NLGN1: variants seen among roughly 807,000 people sequenced by gnomAD.
NLGN1 encodes neuroligin 1, also known as neuroligin-1.
Under a neutral mutation model 65.5 loss-of-function variants are expected in NLGN1, and 12 were observed. The observed-to-expected ratio is 0.18, with a 90% CI of 0.12 to 0.30. The LOEUF (loss-of-function observed/expected upper bound fraction) is 0.30. Among genes scored for constraint, NLGN1 ranks in the 10% least tolerant of loss-of-function variants. The pLI is 1.00. For missense variants in NLGN1, 750 were observed against 1,007.1 expected, an observed-to-expected ratio of 0.74 and a Z score of 3.46; for synonymous variants, 350 against 359.5, an observed-to-expected ratio of 0.97 and a Z score of 0.30.
chr3:174,064,352 A>G (rs1738044050), intron 4 of NLGN1, among the ~76,000 whole-genome samples: 1 of 152,048 alleles, frequency 6.6e-6, no homozygotes, highest in Non-Finnish European at 1.5e-5. Flanking sequence ...TAGAAAAAGG[A>G]AAAGGAAAAT....
chr3:174,203,761 A>T (rs1734929228), intron 4 of NLGN1, among the ~76,000 whole-genome samples: 1 of 152,186 alleles, frequency 6.6e-6, no homozygotes, highest in Non-Finnish European at 1.5e-5. Context: ...ATTTTTCATA[A>T]GGTATATTTC....
At chr3:173,940,915 T>C (rs1235461303) in intron 4 of NLGN1, among the ~76,000 whole-genome samples, 1 of 152,258 alleles carries the variant, frequency 6.6e-6, no homozygotes, top group East Asian at 1.9e-4. Context: ...CTGTGCATTA[T>C]TTAGTGGTCA....
chr3:174,111,011 T>C (rs983749161), intron 4 of NLGN1, among the ~76,000 whole-genome samples: 13 of 152,012 alleles, frequency 8.6e-5, no homozygotes, highest in Non-Finnish European at 1.0e-4. Context: ...TATACACACT[T>C]GGGCACCATC....
chr3:173,608,947 A>C (rs1342043741), intron 3 of NLGN1, among the ~76,000 whole-genome samples: 1 of 151,944 alleles, frequency 6.6e-6, no homozygotes, highest in Non-Finnish European at 1.5e-5. Flanking sequence ...CAATCTAATA[A>C]TACCACATGC....
At chr3:173,707,429 C>T (rs928284152) in intron 3 of NLGN1, among the ~76,000 whole-genome samples, 1 of 152,016 alleles carries the variant, frequency 6.6e-6, no homozygotes, top group Non-Finnish European at 1.5e-5. Flanking sequence ...GTAAGTGTAT[C>T]GCAAGTAGTA....
At position 173,499,376 on chromosome 3, in the gene NLGN1, A is replaced by G. The variant is rs1344063810; in HGVS notation, c.-321+64298A>G. 1.3e-4 allele frequency among the ~76,000 whole-genome samples: 19 copies of G among 151,690 alleles called. No individual in the cohort carries two copies. In the South Asian group the frequency reaches 2.1e-3, roughly 17 times the overall value. Reference sequence around the variant, plus strand: ...GATCAGATAGTTGTAGATGTGTGGTATTATTTCTGAGAGCTCTGTTCTGTT... The same window carrying G: ...GATCAGATAGTTGTAGATGTGTGGTGTTATTTCTGAGAGCTCTGTTCTGTT... On this transcript the variant is annotated intron_variant, in intron 2 of 6. Transcript: ENST00000457714.
chr3:173,632,711 C>T (rs960006955), intron 3 of NLGN1, among the ~76,000 whole-genome samples: 37 of 152,148 alleles, frequency 2.4e-4, no homozygotes, highest in Non-Finnish European at 4.4e-4. Context: ...GACTGGATTC[C>T]CACCTTCCAA....
In NLGN1 at chr3:174,214,547, G is replaced by A. The variant is rs77004878; in HGVS notation, c.647-60768G>A. Among the ~76,000 whole-genome samples, 70 of 152,172 alleles carry A rather than the reference G, an allele frequency of 4.6e-4. 1 individual carries two copies. The highest frequency in any genetic ancestry group is 1.5e-3 in the African/African-American group (63 of 41,538). ...ACCCATATTCACAAGTCCTTTTGGT[G>A]CCTTTTTTTGGTTATCCATGATGGT... On this transcript the variant is annotated intron_variant, in intron 4 of 6. Coordinates refer to ENST00000457714, the Ensembl canonical transcript of NLGN1.
chr3:173,968,012 A>C lies in NLGN1; in HGVS notation c.646+160180A>C, dbSNP rs76012359. Among the ~76,000 whole-genome samples the C allele has an allele frequency of 5.5e-3, 832 of 152,248 alleles. 7 individuals carry two copies. The highest frequency in any genetic ancestry group is 0.039 in the East Asian group (202 of 5,170). ...CTGACGCGTGTTCCAGTAACTTACA[A>C]TTCAAATGCGACTGTAGAGTTTGCT... On this transcript the variant is annotated intron_variant, in intron 4 of 6. Coordinates refer to ENST00000457714, the Ensembl canonical transcript of NLGN1.
chr3:173,544,140 G>T (rs1237317335), intron 2 of NLGN1, among the ~76,000 whole-genome samples: 1 of 152,060 alleles, frequency 6.6e-6, no homozygotes, highest in African/African-American at 2.4e-5. Flanking sequence ...GTGGAATAAG[G>T]TGGTAAGGCA....
At chr3:174,177,624 C>T (rs1729683534) in intron 4 of NLGN1, among the ~76,000 whole-genome samples, 1 of 151,896 alleles carries the variant, frequency 6.6e-6, no homozygotes, top group Non-Finnish European at 1.5e-5. Context: ...GAGTAATTGT[C>T]ATTTGGACGC....
intron 4 of NLGN1, among the ~76,000 whole-genome samples, chr3:174,101,318 C>G (rs1209545136): frequency 1.3e-5 from 2 of 152,084 alleles, no homozygotes; most frequent in African/African-American, 4.8e-5. Context: ...ACCAAAGGAG[C>G]ATGAGACGAA....
At chr3:173,636,247 A>G (rs1310365481) in intron 3 of NLGN1, among the ~76,000 whole-genome samples, 1 of 151,806 alleles carries the variant, frequency 6.6e-6, no homozygotes, top group African/African-American at 2.4e-5. Context: ...AGAACTCTCC[A>G]TTTGCACACT....
At chr3:173,864,664 A>C (rs1247798710) in intron 4 of NLGN1, among the ~76,000 whole-genome samples, 1 of 152,168 alleles carries the variant, frequency 6.6e-6, no homozygotes. Flanking sequence ...AGTTTGATTA[A>C]ATTTACGTTC....
intron 4 of NLGN1, among the ~76,000 whole-genome samples, chr3:174,175,655 T>C (rs1729312670): frequency 6.6e-6 from 1 of 151,984 alleles, no homozygotes; most frequent in Admixed American, 6.6e-5. Context: ...TCACACACAC[T>C]GAGTGCTATA....
At chr3:174,268,274 G>A (rs1748666381) in intron 4 of NLGN1, among the ~76,000 whole-genome samples, 1 of 152,092 alleles carries the variant, frequency 6.6e-6, no homozygotes, top group East Asian at 1.9e-4. Flanking sequence ...AACTGCACAG[G>A]AACTTCGTGA....
intron 3 of NLGN1, among the ~76,000 whole-genome samples, chr3:173,630,413 C>T (rs1182821669): frequency 1.3e-5 from 2 of 151,496 alleles, no homozygotes; most frequent in South Asian, 2.1e-4. Flanking sequence ...GACATTTCAA[C>T]ATAAAGCTCG....
At chr3:174,097,131 A>G (rs920947888) in intron 4 of NLGN1, among the ~76,000 whole-genome samples, 1 of 152,152 alleles carries the variant, frequency 6.6e-6, no homozygotes, top group Non-Finnish European at 1.5e-5. Context: ...TGCTAGCTAG[A>G]TATAAATGAT....
intron 4 of NLGN1, among the ~76,000 whole-genome samples, chr3:174,147,890 CATGA>C (rs1328427960): frequency 6.6e-5 from 10 of 152,242 alleles, no homozygotes; most frequent in African/African-American, 2.4e-4. Flanking sequence ...ATGATAATGA[CATGA>C]ATATTATTAT....
Sources: allele counts gnomAD v4.1 joint callset (sites outside exome capture counted in the v4.1 genomes callset), GRCh38; gene constraint gnomAD v4.1.1; transcripts MANE v1.5; gene names NCBI Gene and HGNC (gene_info 2026-07-23, HGNC 2026-07-21).